The following LRRC37A2 variants were observed in gnomAD, a reference collection of about 807,000 sequenced individuals.
LRRC37A2 encodes leucine rich repeat containing 37 member A2, also known as leucine-rich repeat-containing protein 37A2.
A neutral mutation model predicts 68.8 loss-of-function variants in LRRC37A2; 9 were observed. The ratio of observed to expected loss-of-function variants is 0.13; its 90% CI spans 0.08 to 0.23. The LOEUF (loss-of-function observed/expected upper bound fraction) is 0.23, where lower values mean the gene tolerates loss of function less well. LRRC37A2 is among the 10% of genes least tolerant of loss of function. The probability of loss-of-function intolerance (pLI) is 1.00; values close to 1 mark genes in which losing one functional copy is unlikely to be tolerated. For synonymous variants in LRRC37A2, 63 were observed against 367.6 expected, an observed-to-expected ratio of 0.17 and a Z score of 9.48; for missense variants, 168 against 950.4, an observed-to-expected ratio of 0.18 and a Z score of 10.82.
the LRRC37A2 span, among the ~76,000 whole-genome samples, chr17:46,922,609 GTTTTCCCTAC>G: frequency 3.3e-5 from 5 of 152,130 alleles, no homozygotes; most frequent in Non-Finnish European, 5.9e-5. Flanking sequence ...GAGGAACCCG[GTTTTCCCTAC>G]TTTACACATG....
At chr17:46,834,503 G>T in the LRRC37A2 span, among the ~76,000 whole-genome samples, 1 of 152,196 alleles carries the variant, frequency 6.6e-6, no homozygotes, top group Non-Finnish European at 1.5e-5. Context: ...AGGGGGTACG[G>T]AGCTCCTTGA....
the LRRC37A2 span, among the ~76,000 whole-genome samples, chr17:46,970,830 A>G: frequency 6.6e-6 from 1 of 152,244 alleles, no homozygotes; most frequent in South Asian, 2.1e-4. Flanking sequence ...GTCATCATAC[A>G]CTGATAAGTG....
the LRRC37A2 span, among the ~76,000 whole-genome samples, chr17:46,972,435 C>G: frequency 6.6e-6 from 1 of 152,260 alleles, no homozygotes; most frequent in African/African-American, 2.4e-5. Context: ...AAAGGATTCC[C>G]AGCAAAGGGT....
At chr17:46,763,771 C>A in the LRRC37A2 span, 1 of 149,428 alleles carries the variant, frequency 6.7e-6, no homozygotes, top group Admixed American at 6.7e-5. Flanking sequence ...ATTTAGGAAG[C>A]CATTTGAGCT....
chr17:46,943,059 C>T, the LRRC37A2 span, among the ~76,000 whole-genome samples: 1 of 152,170 alleles, frequency 6.6e-6, no homozygotes, highest in East Asian at 1.9e-4. Context: ...GGAGTGCAGC[C>T]GGGGCATTGG....
At chr17:46,919,472 C>T in the LRRC37A2 span, among the ~76,000 whole-genome samples, 2 of 152,152 alleles carry the variant, frequency 1.3e-5, no homozygotes, top group African/African-American at 4.8e-5. Flanking sequence ...ATCTTCTGGA[C>T]TTCAATTTCC....
At chr17:46,771,482 C>G in the LRRC37A2 span, among the ~76,000 whole-genome samples, 2 of 149,704 alleles carry the variant, frequency 1.3e-5, no homozygotes, top group African/African-American at 4.9e-5. Context: ...GGGTTCCCAG[C>G]CCCGGGAACG....
chr17:46,968,904 G>A, the LRRC37A2 span: 1 of 152,334 alleles, frequency 6.6e-6, no homozygotes, highest in African/African-American at 2.4e-5. Context: ...CCCAAAAGCA[G>A]GACTTTTAAA....
the LRRC37A2 span, chr17:46,751,763 C>T: frequency 1.9e-6 from 1 of 527,458 alleles, no homozygotes; most frequent in Non-Finnish European, 3.4e-6. Context: ...GTATTAGTAG[C>T]CTGCTTCTGA....
chr17:46,715,175 G>C, the LRRC37A2 span, among the ~76,000 whole-genome samples: 1 of 152,280 alleles, frequency 6.6e-6, no homozygotes, highest in African/African-American at 2.4e-5. Flanking sequence ...AAAAATGTTT[G>C]AAATTGAGTG....
the LRRC37A2 span, among the ~76,000 whole-genome samples, chr17:46,908,758 C>T: frequency 1.3e-5 from 2 of 152,208 alleles, no homozygotes; most frequent in Non-Finnish European, 2.9e-5. Context: ...CTCCGTGCCT[C>T]ACTCTGGCCC....
the LRRC37A2 span, among the ~76,000 whole-genome samples, chr17:46,392,487 CTTCT>C: frequency 3.7e-4 from 14 of 37,952 alleles, no homozygotes; most frequent in African/African-American, 1.5e-3. Context: ...TCTTTCTTTC[CTTCT>C]TTCTTTCTTT....
At chr17:46,770,004 C>T in the LRRC37A2 span, 7 of 1,595,830 alleles carry the variant, frequency 4.4e-6, no homozygotes, top group Non-Finnish European at 6.0e-6. Context: ...GCGAAGGCCA[C>T]GCCGGCCGAG....
the LRRC37A2 span, among the ~76,000 whole-genome samples, chr17:46,879,279 C>T: frequency 3.3e-5 from 5 of 152,124 alleles, no homozygotes; most frequent in African/African-American, 7.2e-5. Flanking sequence ...GAGGCCGGGT[C>T]GCTGGGAAGG....
chr17:46,737,854 A>T, the LRRC37A2 span, among the ~76,000 whole-genome samples: 1 of 151,976 alleles, frequency 6.6e-6, no homozygotes, highest in Admixed American at 6.6e-5. Flanking sequence ...AAGGAATTCA[A>T]GCGCTGCAGC....
At chr17:46,983,289 C>CTTTTTTTTTTTTTTTTTTTTTTTTT in the LRRC37A2 span, among the ~76,000 whole-genome samples, 1 of 76,848 alleles carries the variant, frequency 1.3e-5, no homozygotes. Context: ...GCCCTTTCTT[C>CTTTTTTTTTTTTTTTTTTTTTTTTT]TTTTTTTTTT....
the LRRC37A2 span, among the ~76,000 whole-genome samples, chr17:46,826,134 C>T: frequency 6.6e-6 from 1 of 152,258 alleles, no homozygotes; most frequent in African/African-American, 2.4e-5. Flanking sequence ...ATAGAACAAG[C>T]CTGATAATAT....
chr17:46,771,822 C>T, the LRRC37A2 span, among the ~76,000 whole-genome samples: 1 of 144,028 alleles, frequency 6.9e-6, no homozygotes, highest in East Asian at 2.0e-4. Context: ...GCGCGGCGGC[C>T]GCGCGGTGGG....
At chr17:46,973,269 CAT>C in the LRRC37A2 span, among the ~76,000 whole-genome samples, 1 of 151,856 alleles carries the variant, frequency 6.6e-6, no homozygotes, top group Non-Finnish European at 1.5e-5. Flanking sequence ...ATGACAATCT[CAT>C]ATGACAGCTG....
Sources: allele counts gnomAD v4.1 joint callset (sites outside exome capture counted in the v4.1 genomes callset), GRCh38; gene constraint gnomAD v4.1.1; transcripts MANE v1.5; gene names NCBI Gene and HGNC (gene_info 2026-07-23, HGNC 2026-07-21).